TBC1D15: variants seen among roughly 807,000 people sequenced by gnomAD.
TBC1D15 encodes the protein GAP for RAB7.
TBC1D15 carries 39 observed loss-of-function variants against 95.4 expected under a neutral mutation model. The ratio of observed to expected loss-of-function variants is 0.41; its 90% CI spans 0.32 to 0.53. The LOEUF is 0.53. TBC1D15 is among the 20% of genes least tolerant of loss of function. The pLI, the probability that TBC1D15 is intolerant of heterozygous loss-of-function variation, is 0.29. For missense variants in TBC1D15, 733 were observed against 794.3 expected (o/e 0.92, Z 0.93); for synonymous variants, 258 against 261.3 (o/e 0.99, Z 0.12).
intron 1 of TBC1D15, among the ~76,000 whole-genome samples, chr12:71,870,334 T>G (rs1892402205): frequency 6.6e-6 from 1 of 152,218 alleles, no homozygotes. Flanking sequence ...ATCTGTAGGC[T>G]TTAAAATTTT....
chr12:71,910,930 AAAAC>A (rs1184856759), intron 11 of TBC1D15, among the ~76,000 whole-genome samples: 14 of 152,342 alleles, frequency 9.2e-5, no homozygotes, highest in Admixed American at 4.6e-4. Context: ...TTTACAAGAA[AAAAC>A]AAACAACCCC....
chr12:71,908,299 G>C (rs1262091623), intron 11 of TBC1D15, among the ~76,000 whole-genome samples: 4 of 152,178 alleles, frequency 2.6e-5, no homozygotes, highest in African/African-American at 9.7e-5. Flanking sequence ...TTTATTTAAA[G>C]AACCAACAGC....
intron 16 of TBC1D15, 23 bp downstream of exon 16, chr12:71,921,477 G>A (rs774804290): frequency 2.9e-6 from 4 of 1,374,088 alleles, no homozygotes; most frequent in South Asian, 3.6e-5. Context: ...TCAAGTAATT[G>A]CAAGATTTGT....
intron 1 of TBC1D15, among the ~76,000 whole-genome samples, chr12:71,857,874 T>G (rs555470562): frequency 5.8e-4 from 88 of 152,350 alleles, no homozygotes; most frequent in African/African-American, 2.0e-3. Context: ...CTGTGGTAAC[T>G]GCTGTTCTAC....
chr12:71,861,737 T>C (rs1890416938), intron 1 of TBC1D15, among the ~76,000 whole-genome samples: 1 of 151,958 alleles, frequency 6.6e-6, no homozygotes, highest in Admixed American at 6.6e-5. Context: ...TTGTATTTGG[T>C]TTGTTATTGT....
chr12:71,856,260 T>C (rs1026565851), intron 1 of TBC1D15, among the ~76,000 whole-genome samples: 1 of 152,212 alleles, frequency 6.6e-6, no homozygotes, highest in Non-Finnish European at 1.5e-5. Context: ...TTGGGGGTCT[T>C]ATATAGACTT....
intron 1 of TBC1D15, chr12:71,849,853 G>T: frequency 1.8e-6 from 1 of 566,176 alleles, no homozygotes; most frequent in South Asian, 1.5e-5. Context: ...AAAATGTGGA[G>T]TTTGCTTCTG....
At chr12:71,904,433 A>G (rs776448611) in intron 10 of TBC1D15, among the ~76,000 whole-genome samples, 3 of 152,218 alleles carry the variant, frequency 2.0e-5, no homozygotes, top group Non-Finnish European at 4.4e-5. Flanking sequence ...GAGCTAGCAG[A>G]GGGAAAAGTA....
At chr12:71,839,835 C>T in intron 1 of TBC1D15, 24 bp downstream of exon 1, 12 of 1,614,030 alleles carry the variant, frequency 7.4e-6, no homozygotes, top group Admixed American at 5.0e-5. Flanking sequence ...TCCAGGAAGA[C>T]CTCGGCTTTT....
At chr12:71,860,901 A>C (rs1049595222) in intron 1 of TBC1D15, among the ~76,000 whole-genome samples, 1 of 152,102 alleles carries the variant, frequency 6.6e-6, no homozygotes, top group Non-Finnish European at 1.5e-5. Context: ...ACTTGCTGAG[A>C]GTTTTTATCA....
intron 1 of TBC1D15, among the ~76,000 whole-genome samples, chr12:71,865,892 C>T (rs1401386938): frequency 2.0e-5 from 3 of 151,950 alleles, no homozygotes; most frequent in African/African-American, 7.3e-5. Context: ...AGGCACATTT[C>T]CCTGGGACGG....
chr12:71,903,408 C>T (rs1566048339), intron 10 of TBC1D15, among the ~76,000 whole-genome samples: 1 of 152,152 alleles, frequency 6.6e-6, no homozygotes, highest in Non-Finnish European at 1.5e-5. Flanking sequence ...AATGCTTATA[C>T]AGTGCTGGTG....
chr12:71,860,326 G>A (rs920304897), intron 1 of TBC1D15, among the ~76,000 whole-genome samples: 1 of 152,100 alleles, frequency 6.6e-6, no homozygotes, highest in African/African-American at 2.4e-5. Context: ...TGCATTGAAT[G>A]TTTAGATTGC....
At chr12:71,922,164 A>AAC (rs1869630335) in intron 16 of TBC1D15, among the ~76,000 whole-genome samples, 2 of 152,088 alleles carry the variant, frequency 1.3e-5, no homozygotes, top group South Asian at 4.1e-4. Flanking sequence ...GGCTCACTGC[A>AAC]ACCTTCTCCT....
At chr12:71,903,685 A>G (rs1028589849) in intron 10 of TBC1D15, among the ~76,000 whole-genome samples, 5 of 152,244 alleles carry the variant, frequency 3.3e-5, no homozygotes, top group African/African-American at 1.2e-4. Flanking sequence ...CTATGCAGCC[A>G]TAATAAAGAG....
Position 71,895,984 on chromosome 12 carries a change from A to G in TBC1D15, c.893A>G (p.Glu298Gly), listed in dbSNP as rs2138712509. 1 of 1,612,656 alleles carries G rather than the reference A, an allele frequency of 6.2e-7. No homozygotes were observed. The highest frequency in any genetic ancestry group is 1.7e-4 in the Middle Eastern group (1 of 6,054). ...GAACGCCCTGTTGTTCAAAGGAGAG[A>G]ACCGGTATCACTGGAAGAATGGACT... ...LGERPVVQRR[E>G]PVSLEEWTKN... The change falls in exon 8 of 17, where the codon GAA (glutamate) becomes GGA (glycine). Residue 298 changes from glutamate (E) to glycine (G), a missense_variant. Transcript: ENST00000485960.
At chr12:71,897,815 A>G (rs746755701) in intron 9 of TBC1D15, 32 bp from the exon 10 acceptor site, 4 of 1,551,744 alleles carry the variant, frequency 2.6e-6, no homozygotes, top group Non-Finnish European at 3.5e-6. Flanking sequence ...GTTTTCAAAT[A>G]GCTTTCTTTG....
chr12:71,871,704 C>T (rs1399393486), intron 1 of TBC1D15, among the ~76,000 whole-genome samples: 1 of 152,226 alleles, frequency 6.6e-6, no homozygotes, highest in African/African-American at 2.4e-5. Flanking sequence ...AGCCCAGCCT[C>T]CCAGGTAGTT....
At chr12:71,871,684 C>G (rs1020433313) in intron 1 of TBC1D15, among the ~76,000 whole-genome samples, 6 of 152,216 alleles carry the variant, frequency 3.9e-5, no homozygotes, top group African/African-American at 1.2e-4. Context: ...ACCTTGAACT[C>G]CTGGGCTCAA....
Sources: allele counts gnomAD v4.1 joint callset (sites outside exome capture counted in the v4.1 genomes callset), GRCh38; gene constraint gnomAD v4.1.1; transcripts MANE v1.5; gene names NCBI Gene and HGNC (gene_info 2026-07-23, HGNC 2026-07-21).